The following MYO1H variants were observed in gnomAD, a reference collection of about 807,000 sequenced individuals.
The protein encoded by MYO1H is myosin IH.
In MYO1H, 118 loss-of-function variants were observed where a neutral mutation model predicts 149.3. The observed-to-expected ratio is 0.79, with a 90% confidence interval of 0.68 to 0.92. MYO1H has a LOEUF of 0.92. Ranked by LOEUF, MYO1H falls within the 40% of genes least tolerant of loss-of-function variation. The pLI is 0.00. For synonymous variants in MYO1H, 447 were observed against 465.2 expected (o/e 0.96, Z 0.50); for missense variants, 1,212 against 1,280.7 (o/e 0.95, Z 0.82).
At chr12:109,424,969 A>C in intron 17 of MYO1H, 141 bp downstream of exon 17, 1 of 665,912 alleles carries the variant, frequency 1.5e-6, no homozygotes, top group Non-Finnish European at 2.7e-6. Flanking sequence ...ATGCACCTGT[A>C]ATCTCACACC....
At chr12:109,356,952 C>A (rs1868620664) in intron 1 of MYO1H, among the ~76,000 whole-genome samples, 1 of 152,054 alleles carries the variant, frequency 6.6e-6, no homozygotes, top group Non-Finnish European at 1.5e-5. Flanking sequence ...TAGCTAAGAC[C>A]CCTTGAATCA....
chr12:109,349,111 A>G (rs1425747596), intron 1 of MYO1H, among the ~76,000 whole-genome samples: 17 of 152,204 alleles, frequency 1.1e-4, no homozygotes, highest in Non-Finnish European at 2.2e-4. Context: ...GGAGAAAATA[A>G]TTTAGTTGAT....
chr12:109,333,593 G>A, the MYO1H span, among the ~76,000 whole-genome samples: 1 of 152,224 alleles, frequency 6.6e-6, no homozygotes, highest in Non-Finnish European at 1.5e-5. Context: ...CGTGACTGTG[G>A]CCAGCATGAG....
In MYO1H at chr12:109,432,453, G is replaced by A. The variant is rs1871670685; in HGVS notation, c.1950-444G>A. On this transcript the variant is annotated intron_variant, in intron 19 of 31. Transcript: ENST00000310903. ...CATAGAACTTTTTCTTCTGGTACTA[G>A]ACTATGTTTGTTTGTCTGTTCAGTT... 2.0e-5 allele frequency among the ~76,000 whole-genome samples: 3 copies of A among 152,172 alleles called. No homozygotes were observed. In the South Asian group the frequency reaches 6.2e-4, roughly 32 times the overall value.
rs565782330 is a variant in MYO1H, at chr12:109,406,036, G to A, written c.963+1G>A. 6.2e-6 allele frequency: 10 copies of A among 1,602,596 alleles called. No homozygotes were observed. The highest frequency in any genetic ancestry group is 1.1e-5 in the South Asian group (1 of 90,788). On this transcript the variant is annotated splice_donor_variant, in intron 8 of 31. Coordinates refer to ENST00000310903, the Ensembl canonical transcript of MYO1H. LOFTEE classifies it high-confidence loss of function. ...CCATGAGATCAAGTGGATAGCCAAG[G>A]TGATGCTCCTCTTTTGGAGAGGACA...
At chr12:109,339,753 G>C in the MYO1H span, among the ~76,000 whole-genome samples, 1 of 152,158 alleles carries the variant, frequency 6.6e-6, no homozygotes, top group African/African-American at 2.4e-5. Flanking sequence ...TAGGAAAAGA[G>C]GATCAGCCTT....
At chr12:109,439,923 G>C in intron 24 of MYO1H, 133 bp downstream of exon 24, 1 of 781,102 alleles carries the variant, frequency 1.3e-6, no homozygotes, top group Admixed American at 2.7e-5. Context: ...TCCCAAGGAT[G>C]CTGCACAAGA....
intron 1 of MYO1H, among the ~76,000 whole-genome samples, chr12:109,376,881 G>A (rs1358226724): frequency 1.3e-5 from 2 of 152,218 alleles, no homozygotes; most frequent in East Asian, 1.9e-4. Context: ...AAGGACCAGT[G>A]TGGGAGAACA....
intron 1 of MYO1H, among the ~76,000 whole-genome samples, chr12:109,382,939 G>A (rs947399057): frequency 6.7e-6 from 1 of 149,514 alleles, no homozygotes; most frequent in African/African-American, 2.4e-5. Context: ...ATAAAGAAAA[G>A]ATGAAGTAAA....
At chr12:109,412,892 T>G (rs1263862741) in intron 14 of MYO1H, among the ~76,000 whole-genome samples, 1 of 152,036 alleles carries the variant, frequency 6.6e-6, no homozygotes, top group Non-Finnish European at 1.5e-5. Flanking sequence ...TTTAAACGAT[T>G]CTCCTGCCTC....
intron 5 of MYO1H, 111 bp downstream of exon 5, chr12:109,397,923 T>A: frequency 1.5e-6 from 1 of 660,740 alleles, no homozygotes; most frequent in Non-Finnish European, 2.5e-6. Flanking sequence ...TCAAGCTATT[T>A]AAAAAAATAT....
chr12:109,363,223 A>G (rs530669646), intron 1 of MYO1H, among the ~76,000 whole-genome samples: 8 of 152,354 alleles, frequency 5.3e-5, no homozygotes, highest in Admixed American at 4.6e-4. Context: ...TACATTTAGT[A>G]TCTTTCCTAG....
chr12:109,356,628 T>C (rs1003017269), intron 1 of MYO1H, among the ~76,000 whole-genome samples: 4 of 152,212 alleles, frequency 2.6e-5, no homozygotes, highest in Admixed American at 6.5e-5. Flanking sequence ...AAGATGGTCA[T>C]GTAATGGCAT....
intron 1 of MYO1H, among the ~76,000 whole-genome samples, chr12:109,377,123 A>G (rs1251364132): frequency 6.6e-6 from 1 of 152,234 alleles, no homozygotes; most frequent in East Asian, 1.9e-4. Context: ...AAAGTAAAAT[A>G]TCTTCCCATT....
At chr12:109,333,095 G>A in the MYO1H span, among the ~76,000 whole-genome samples, 2 of 152,156 alleles carry the variant, frequency 1.3e-5, no homozygotes, top group Admixed American at 6.5e-5. Context: ...TGAGGTGGGT[G>A]GATCACCTGA....
At chr12:109,316,515 G>A in the MYO1H span, among the ~76,000 whole-genome samples, 2 of 152,322 alleles carry the variant, frequency 1.3e-5, no homozygotes, top group East Asian at 3.9e-4. Context: ...GCACTCCCCA[G>A]ATACTTGCCT....
intron 16 of MYO1H, 57 bp from the exon 17 acceptor site, chr12:109,424,691 A>G: frequency 1.4e-6 from 2 of 1,390,356 alleles, no homozygotes; most frequent in Non-Finnish European, 1.0e-6. Flanking sequence ...CCGTCCTGAC[A>G]GCCCTGTAGT....
chr12:109,379,250 A>G (rs1328524771), intron 1 of MYO1H, among the ~76,000 whole-genome samples: 3 of 152,248 alleles, frequency 2.0e-5, no homozygotes, highest in Non-Finnish European at 4.4e-5. Context: ...TAGGGGTTAG[A>G]TCAGATTCAG....
chr12:109,396,370 C>T lies in MYO1H; in HGVS notation c.291-14C>T. 6.3e-7 allele frequency: 1 copy of T among 1,588,052 alleles called. No homozygotes were observed. The highest frequency in any genetic ancestry group is 8.6e-7 in the Non-Finnish European group (1 of 1,165,778). ...CATTAAAACGAATTTGTTTCCGTCT[C>T]ACTCCTCCTCCAGCTACGCTATAGC... On this transcript the variant is annotated splice_polypyrimidine_tract_variant and intron_variant, in intron 3 of 31. Transcript: ENST00000310903.
Sources: allele counts gnomAD v4.1 joint callset (sites outside exome capture counted in the v4.1 genomes callset), GRCh38; gene constraint gnomAD v4.1.1; transcripts MANE v1.5; gene names NCBI Gene and HGNC (gene_info 2026-07-23, HGNC 2026-07-21).